ANO3: variants seen among roughly 807,000 people sequenced by gnomAD.
ANO3 encodes anoctamin 3.
In ANO3, 99 loss-of-function variants were observed where a neutral mutation model predicts 144.8. That is an observed-to-expected ratio of 0.68 (90% CI 0.58 to 0.81). ANO3 has a LOEUF of 0.81. Ranked by LOEUF, ANO3 falls within the 30% of genes least tolerant of loss-of-function variation. The pLI is 0.00. For missense variants in ANO3, 905 were observed against 1,202.2 expected (o/e 0.75, Z 3.66); for synonymous variants, 414 against 392.6 (o/e 1.05, Z -0.64).
chr11:26,447,021 G>A (rs977157981), intron 3 of ANO3, among the ~76,000 whole-genome samples: 16 of 152,122 alleles, frequency 1.1e-4, no homozygotes, highest in African/African-American at 3.6e-4. Context: ...ACCAGCATTA[G>A]CAAAGTGGTG....
At chr11:26,485,378 G>A (rs973787981) in intron 4 of ANO3, among the ~76,000 whole-genome samples, 1 of 151,860 alleles carries the variant, frequency 6.6e-6, no homozygotes, top group Non-Finnish European at 1.5e-5. Flanking sequence ...AAAAAAAAAA[G>A]TGTGGGGCAC....
intron 3 of ANO3, among the ~76,000 whole-genome samples, chr11:26,459,799 A>G (rs2134052538): frequency 6.6e-6 from 1 of 152,250 alleles, no homozygotes; most frequent in East Asian, 1.9e-4. Flanking sequence ...GTAGGGTACA[A>G]GAGAAAATGA....
At chr11:26,195,776 T>A (rs2133907267) in intron 1 of ANO3, among the ~76,000 whole-genome samples, 1 of 152,300 alleles carries the variant, frequency 6.6e-6, no homozygotes, top group Admixed American at 6.5e-5. Context: ...GACTTGGACT[T>A]TGACATAGAA....
chr11:26,516,751 T>C, intron 5 of ANO3, 76 bp from the exon 6 acceptor site: 2 of 1,022,044 alleles, frequency 2.0e-6, no homozygotes, highest in South Asian at 1.5e-5. Context: ...ATGTTCTTTA[T>C]TCCCAAATCA....
chr11:26,565,065 T>C, intron 14 of ANO3: 1 of 1,200,660 alleles, frequency 8.3e-7, no homozygotes, highest in Non-Finnish European at 1.1e-6. Context: ...TTGTGTTCTC[T>C]TCTGTTTTTC....
intron 1 of ANO3, among the ~76,000 whole-genome samples, chr11:26,296,424 T>C (rs77974282): frequency 0.019 from 2,957 of 152,296 alleles, 84 homozygotes; most frequent in African/African-American, 0.064. Context: ...ATCTAACTTG[T>C]TGACACTCAG....
intron 20 of ANO3, among the ~76,000 whole-genome samples, chr11:26,635,614 G>A (rs4628637): frequency 0.35 from 52,528 of 151,716 alleles, 9,623 homozygotes; most frequent in South Asian, 0.48. Context: ...TACCTAGACT[G>A]TGTGAGCCTG....
At chr11:26,304,358 C>T (rs1854314546) in intron 1 of ANO3, among the ~76,000 whole-genome samples, 4 of 151,996 alleles carry the variant, frequency 2.6e-5, no homozygotes, top group Admixed American at 2.6e-4. Flanking sequence ...ATAACTAGGA[C>T]CTAGTGAGGA....
chr11:26,384,694 C>T (rs781071980), intron 1 of ANO3, among the ~76,000 whole-genome samples: 4 of 152,116 alleles, frequency 2.6e-5, no homozygotes, highest in African/African-American at 7.2e-5. Flanking sequence ...TATTGTAGGC[C>T]AAGCCACCAC....
intron 17 of ANO3, among the ~76,000 whole-genome samples, chr11:26,614,130 T>C (rs1323244035): frequency 6.6e-6 from 1 of 152,134 alleles, no homozygotes; most frequent in African/African-American, 2.4e-5. Context: ...CATGAACATA[T>C]GCAGGTGTTG....
intron 1 of ANO3, among the ~76,000 whole-genome samples, chr11:26,431,609 T>C (rs1397906330): frequency 6.6e-6 from 1 of 152,210 alleles, no homozygotes; most frequent in East Asian, 1.9e-4. Context: ...TATGTCCATG[T>C]GTTCTCATTG....
chr11:26,221,432 C>T (rs1852141673), intron 1 of ANO3, among the ~76,000 whole-genome samples: 1 of 152,202 alleles, frequency 6.6e-6, no homozygotes, highest in African/African-American at 2.4e-5. Flanking sequence ...TCAGGTTACT[C>T]ACAGTGGCCA....
At chr11:26,326,934 T>A (rs11827865) in intron 1 of ANO3, among the ~76,000 whole-genome samples, 5,768 of 152,262 alleles carry the variant, frequency 0.038, 378 homozygotes, top group African/African-American at 0.13. Flanking sequence ...AGAGCCTGGC[T>A]AATAAATCAA....
chr11:26,321,746 C>T (rs1854766492), intron 1 of ANO3, among the ~76,000 whole-genome samples: 1 of 151,842 alleles, frequency 6.6e-6, no homozygotes. Context: ...TCCTGTTTCC[C>T]TTCAATTATA....
intron 1 of ANO3, among the ~76,000 whole-genome samples, chr11:26,302,324 G>A (rs868222215): frequency 9.2e-5 from 14 of 152,068 alleles, no homozygotes; most frequent in African/African-American, 3.4e-4. Flanking sequence ...GTGAAACCCC[G>A]TCTTTACTAA....
intron 1 of ANO3, among the ~76,000 whole-genome samples, chr11:26,410,608 G>A (rs1857404103): frequency 6.6e-6 from 1 of 151,994 alleles, no homozygotes; most frequent in South Asian, 2.1e-4. Flanking sequence ...GGATTGGAAG[G>A]AGAAATGAGA....
chr11:26,417,157 T>C (rs1243957677), intron 1 of ANO3, among the ~76,000 whole-genome samples: 1 of 152,106 alleles, frequency 6.6e-6, no homozygotes, highest in African/African-American at 2.4e-5. Flanking sequence ...TGATATGTTA[T>C]CTAAAGAAAT....
chr11:26,639,429 T>A (rs1325812423), intron 21 of ANO3, among the ~76,000 whole-genome samples, 188 bp downstream of exon 21: 1 of 152,182 alleles, frequency 6.6e-6, no homozygotes, highest in Admixed American at 6.6e-5. Flanking sequence ...TCACTAAGAA[T>A]GTATCAACAA....
chr11:26,532,122 G>A (rs759942236), intron 8 of ANO3, among the ~76,000 whole-genome samples: 5 of 152,162 alleles, frequency 3.3e-5, no homozygotes, highest in Non-Finnish European at 5.9e-5. Context: ...TGAAAGGGTG[G>A]ATGAAACAGA....
Sources: gnomAD v4.1 joint callset for allele counts (sites outside exome capture counted in the v4.1 genomes callset) on GRCh38, gnomAD v4.1.1 for gene constraint, MANE v1.5 for transcripts, NCBI Gene and HGNC (gene_info 2026-07-23, HGNC 2026-07-21) for gene names.